Variants in FHIP1A observed in about 807,000 individuals in gnomAD.
FHIP1A encodes the protein FHF complex subunit HOOK-interacting protein 1A.
FHIP1A carries 61 observed loss-of-function variants against 88.6 expected under a neutral mutation model. That is an observed-to-expected ratio of 0.69 (90% confidence interval 0.56 to 0.85). The LOEUF is 0.85. Ranked by LOEUF, FHIP1A falls within the 40% of genes least tolerant of loss-of-function variation. FHIP1A has a pLI of 0.00. For synonymous variants in FHIP1A, 478 were observed against 496.0 expected (o/e 0.96, Z 0.48); for missense variants, 1,154 against 1,273.5 (o/e 0.91, Z 1.43).
At chr4:151,441,937 C>T (rs902807136) in intron 1 of FHIP1A, among the ~76,000 whole-genome samples, 7 of 152,098 alleles carry the variant, frequency 4.6e-5, no homozygotes, top group Admixed American at 6.6e-5. Context: ...AAATCTTGAA[C>T]GATTTGTTCT....
At chr4:151,426,221 A>G (rs1259154144) in intron 1 of FHIP1A, among the ~76,000 whole-genome samples, 2 of 152,296 alleles carry the variant, frequency 1.3e-5, no homozygotes, top group South Asian at 2.1e-4. Flanking sequence ...TCTACTTTGT[A>G]TATGTTTGAA....
chr4:151,414,868 T>C (rs879846404), intron 1 of FHIP1A, among the ~76,000 whole-genome samples: 2 of 152,214 alleles, frequency 1.3e-5, no homozygotes, highest in Non-Finnish European at 2.9e-5. Flanking sequence ...ACATACATGA[T>C]ACATATTATT....
chr4:151,447,273 T>A (rs1728642327), intron 1 of FHIP1A, among the ~76,000 whole-genome samples: 1 of 152,236 alleles, frequency 6.6e-6, no homozygotes, highest in Middle Eastern at 3.2e-3. Context: ...CAAATGTTAA[T>A]TCAAGGTATT....
rs560071815 is a variant in FHIP1A at position 151,608,150 on chromosome 4, T to G, written c.978+19224T>G. Among the ~76,000 whole-genome samples, 44 of 147,052 alleles carry G rather than the reference T, an allele frequency of 3.0e-4. 1 individual carries two copies. The highest frequency in any genetic ancestry group is 2.5e-3 in the South Asian group (11 of 4,320). On this transcript the variant is annotated intron_variant, in intron 7 of 13. Transcript: ENST00000435205. Reference sequence around the variant, plus strand: ...ACCTCTGCCTCCCAGATTCAAGCGATTCTCCTGCCTCAGCCTCCCAAGTAG... The same window carrying G: ...ACCTCTGCCTCCCAGATTCAAGCGAGTCTCCTGCCTCAGCCTCCCAAGTAG...
intron 2 of FHIP1A, among the ~76,000 whole-genome samples, chr4:151,467,524 CAT>C (rs1349071277): frequency 2.0e-5 from 3 of 152,176 alleles, no homozygotes; most frequent in African/African-American, 4.8e-5. Context: ...TACATGCACA[CAT>C]ATGTTTACTC....
At chr4:151,580,386 G>A (rs542353761) in intron 5 of FHIP1A, among the ~76,000 whole-genome samples, 1 of 152,218 alleles carries the variant, frequency 6.6e-6, no homozygotes, top group Non-Finnish European at 1.5e-5. Context: ...TGTACTTATT[G>A]CATTACAGCA....
chr4:151,474,481 C>T (rs72728116), intron 2 of FHIP1A, among the ~76,000 whole-genome samples: 2,456 of 152,206 alleles, frequency 0.016, 20 homozygotes, highest in Non-Finnish European at 0.026. Context: ...TTTCGCTTGA[C>T]GTTGTCTGAA....
chr4:151,506,219 A>G (rs1392991846), intron 3 of FHIP1A, among the ~76,000 whole-genome samples: 1 of 152,148 alleles, frequency 6.6e-6, no homozygotes, highest in Non-Finnish European at 1.5e-5. Context: ...AAATGGGGGA[A>G]TGAAATTGAC....
At position 151,656,239 on chromosome 4, in the gene FHIP1A, C is replaced by G; in HGVS notation, c.2559C>G (p.Phe853Leu). The G allele has an allele frequency of 6.4e-7, 1 of 1,551,536 alleles. No homozygotes were observed. The highest frequency in any genetic ancestry group is 8.7e-7 in the Non-Finnish European group (1 of 1,146,876). The change falls in exon 12 of 14, where the codon TTC (phenylalanine) becomes TTG (leucine). Residue 853 changes from phenylalanine (F) to leucine (L), a missense_variant. Physicochemically the swap from Phe to Leu is conservative, Grantham distance 22 (BLOSUM62 0). Transcript: ENST00000435205. The surrounding 1 kb of genome is among the most constrained non-coding windows in gnomAD (Gnocchi z 4.2). ...CTTGTGTTCTTCCTGCAGGCCCATTCATCAGCGTAGTCCTGTCAAAGCTGG... is the reference window on the plus strand; with the variant it reads ...CTTGTGTTCTTCCTGCAGGCCCATTGATCAGCGTAGTCCTGTCAAAGCTGG... Reference protein sequence around the residue: ...RTQSTPFTGPFISVVLSKLEN... With the variant: ...RTQSTPFTGPLISVVLSKLEN...
At chr4:151,630,984 T>C (rs1010266364) in intron 8 of FHIP1A, among the ~76,000 whole-genome samples, 5 of 152,118 alleles carry the variant, frequency 3.3e-5, no homozygotes, top group African/African-American at 1.2e-4. Flanking sequence ...ATATCCAGAC[T>C]TATGAGACAC....
intron 2 of FHIP1A, among the ~76,000 whole-genome samples, chr4:151,465,138 T>G (rs1442780715): frequency 6.6e-6 from 1 of 152,158 alleles, no homozygotes; most frequent in African/African-American, 2.4e-5. Flanking sequence ...GTGGCTGCAA[T>G]GAGCTGTGAT....
intron 3 of FHIP1A, among the ~76,000 whole-genome samples, chr4:151,523,279 A>G (rs1054431497): frequency 6.6e-6 from 1 of 152,200 alleles, no homozygotes; most frequent in Non-Finnish European, 1.5e-5. Context: ...CTTTTCTATT[A>G]AAAGGCTCAT....
intron 3 of FHIP1A, among the ~76,000 whole-genome samples, chr4:151,527,823 A>C (rs551392028): frequency 4.9e-4 from 75 of 152,310 alleles, no homozygotes; most frequent in African/African-American, 1.7e-3. Flanking sequence ...CTCAGACCTC[A>C]CAAGGTTTAC....
At chr4:151,565,146 G>T (rs1046763754) in intron 3 of FHIP1A, among the ~76,000 whole-genome samples, 1 of 151,950 alleles carries the variant, frequency 6.6e-6, no homozygotes, top group Non-Finnish European at 1.5e-5. Flanking sequence ...TCTGGTAGTT[G>T]TAATTACTTT....
intron 7 of FHIP1A, among the ~76,000 whole-genome samples, chr4:151,615,745 C>T (rs1237043241): frequency 6.6e-6 from 1 of 152,160 alleles, no homozygotes. Context: ...TGCTGTTTAA[C>T]TCAGAGGGCT....
chr4:151,584,301 A>G (rs1454186156), intron 5 of FHIP1A, among the ~76,000 whole-genome samples: 1 of 152,184 alleles, frequency 6.6e-6, no homozygotes, highest in Non-Finnish European at 1.5e-5. Flanking sequence ...AAGTCAGACC[A>G]GGAGAGATGG....
intron 3 of FHIP1A, among the ~76,000 whole-genome samples, chr4:151,519,205 C>T (rs1402685762): frequency 6.6e-6 from 1 of 152,144 alleles, no homozygotes; most frequent in Non-Finnish European, 1.5e-5. Flanking sequence ...TCATCATCAC[C>T]CTGGAAGGTT....
intron 1 of FHIP1A, among the ~76,000 whole-genome samples, chr4:151,437,513 A>T (rs1237016760): frequency 2.6e-5 from 4 of 152,166 alleles, no homozygotes; most frequent in Non-Finnish European, 5.9e-5. Context: ...GCTTGTTTGG[A>T]GCTGAACAAG....
At chr4:151,453,024 G>GT (rs1001185933) in intron 1 of FHIP1A, among the ~76,000 whole-genome samples, 97 of 145,068 alleles carry the variant, frequency 6.7e-4, no homozygotes, top group Non-Finnish European at 9.9e-4. Context: ...GGACATAGTT[G>GT]TTTTTTTTTT....
Sources: allele counts gnomAD v4.1 joint callset (sites outside exome capture counted in the v4.1 genomes callset), GRCh38; gene constraint gnomAD v4.1.1; non-coding constraint Gnocchi (gnomAD v3.1); transcripts MANE v1.5; gene names NCBI Gene and HGNC (gene_info 2026-07-23, HGNC 2026-07-21).